Variants in SSBP2 observed in about 807,000 individuals in gnomAD.
SSBP2 encodes the protein single stranded DNA binding protein 2, also known as single-stranded DNA-binding protein 2.
SSBP2 carries 17 observed loss-of-function variants against 61.8 expected under a neutral mutation model. The ratio of observed to expected loss-of-function variants is 0.28; its 90% CI spans 0.19 to 0.41. SSBP2 has a LOEUF of 0.41. SSBP2 is among the 10% of genes least tolerant of loss of function. The pLI is 1.00. For synonymous variants in SSBP2, 139 were observed against 141.3 expected, an observed-to-expected ratio of 0.98 and a Z score of 0.12; for missense variants, 310 against 458.7, an observed-to-expected ratio of 0.68 and a Z score of 2.96.
intron 11 of SSBP2, among the ~76,000 whole-genome samples, chr5:81,447,583 T>C (rs6452409): frequency 6.6e-6 from 1 of 152,020 alleles, no homozygotes; most frequent in Non-Finnish European, 1.5e-5. Flanking sequence ...CTTTTTCAGA[T>C]GCTCTATGTA....
chr5:81,421,632 G>C (rs891458960), intron 16 of SSBP2, among the ~76,000 whole-genome samples: 1 of 152,160 alleles, frequency 6.6e-6, no homozygotes, highest in Non-Finnish European at 1.5e-5. Context: ...TTTCAAAAAT[G>C]ATTTAGAGAG....
chr5:81,734,057 G>A (rs1756438095), intron 1 of SSBP2, among the ~76,000 whole-genome samples: 1 of 152,114 alleles, frequency 6.6e-6, no homozygotes, highest in Admixed American at 6.5e-5. Flanking sequence ...TGGACAAAAG[G>A]ATGACATTTT....
chr5:81,516,630 G>A (rs1769038701), intron 4 of SSBP2, among the ~76,000 whole-genome samples: 1 of 151,822 alleles, frequency 6.6e-6, no homozygotes. Flanking sequence ...GGTACCATTT[G>A]GTACCCTATG....
At chr5:81,544,958 T>A (rs73766261) in intron 4 of SSBP2, among the ~76,000 whole-genome samples, 2,767 of 152,230 alleles carry the variant, frequency 0.018, 86 homozygotes, top group African/African-American at 0.063. Context: ...GGACTGAATA[T>A]AGAGGAGGAT....
At chr5:81,645,859 A>G (rs112934170) in intron 2 of SSBP2, among the ~76,000 whole-genome samples, 3 of 152,332 alleles carry the variant, frequency 2.0e-5, no homozygotes, top group Non-Finnish European at 2.9e-5. Context: ...TTTAAAATCT[A>G]TCATGAATCA....
chr5:81,434,633 C>CAAAAAAAAAAAAAAAAAAAAAAAA (rs34269591), intron 15 of SSBP2, among the ~76,000 whole-genome samples: 1 of 43,022 alleles, frequency 2.3e-5, no homozygotes, highest in Non-Finnish European at 4.1e-5. Context: ...ACTCTTGACT[C>CAAAAAAAAAAAAAAAAAAAAAAAA]AAAAAAAAAA....
chr5:81,561,336 A>G (rs1019327512), intron 4 of SSBP2, among the ~76,000 whole-genome samples: 3 of 152,202 alleles, frequency 2.0e-5, no homozygotes. Context: ...TGTGGCTATT[A>G]AGTATCTTTA....
chr5:81,522,348 A>G (rs1769556374), intron 4 of SSBP2, among the ~76,000 whole-genome samples: 2 of 152,048 alleles, frequency 1.3e-5, no homozygotes, highest in African/African-American at 4.8e-5. Flanking sequence ...AAAAGACTGT[A>G]GGTGAATAAA....
intron 1 of SSBP2, among the ~76,000 whole-genome samples, chr5:81,718,190 G>C (rs969494636): frequency 1.3e-5 from 2 of 151,998 alleles, no homozygotes; most frequent in Non-Finnish European, 2.9e-5. Flanking sequence ...ATTATGCGCA[G>C]GGAAATGTAT....
At chr5:81,658,996 G>A (rs1414809568) in intron 1 of SSBP2, among the ~76,000 whole-genome samples, 1 of 152,088 alleles carries the variant, frequency 6.6e-6, no homozygotes, top group Non-Finnish European at 1.5e-5. Flanking sequence ...CAATAAACTA[G>A]GTATTGATGG....
intron 2 of SSBP2, among the ~76,000 whole-genome samples, chr5:81,639,880 A>C (rs766744486): frequency 6.6e-6 from 1 of 152,202 alleles, no homozygotes; most frequent in Non-Finnish European, 1.5e-5. Flanking sequence ...AGTGGTCCTA[A>C]ATGTAGAAAC....
At chr5:81,721,704 T>G (rs1374729525) in intron 1 of SSBP2, among the ~76,000 whole-genome samples, 11 of 152,088 alleles carry the variant, frequency 7.2e-5, no homozygotes, top group Admixed American at 7.2e-4. Context: ...AAACCTGAAC[T>G]AAATTCTCTA....
intron 4 of SSBP2, among the ~76,000 whole-genome samples, chr5:81,534,205 T>C (rs1029628292): frequency 1.3e-4 from 20 of 152,094 alleles, no homozygotes; most frequent in African/African-American, 4.3e-4. Flanking sequence ...GTCCTAATCA[T>C]AGGACTATGA....
Position 81,658,953 on chromosome 5 carries a change from C to T in SSBP2, c.63-8614G>A, listed in dbSNP as rs532594884. On this transcript the variant is annotated intron_variant, in intron 1 of 16. Coordinates refer to ENST00000320672, the MANE Select transcript of SSBP2 (RefSeq NM_012446.5). ...TCTCAACAGATGCAGAAAAGGACTT[C>T]GATAAAATTCAACATCTCATGTTAA... Among the ~76,000 whole-genome samples, 13 of 152,114 alleles carry T rather than the reference C, an allele frequency of 8.5e-5. No homozygotes were observed. The Middle Eastern group carries it at 0.02, about 239-fold the overall frequency.
At chr5:81,467,092 A>G in intron 8 of SSBP2, 27 bp from the exon 9 acceptor site, 1 of 1,492,524 alleles carries the variant, frequency 6.7e-7, no homozygotes, top group Non-Finnish European at 9.3e-7. Flanking sequence ...AAACAAAACC[A>G]AAGAGGAGGG....
intron 1 of SSBP2, among the ~76,000 whole-genome samples, chr5:81,667,968 TATCA>T (rs1751288644): frequency 1.3e-5 from 2 of 152,274 alleles, no homozygotes; most frequent in South Asian, 4.1e-4. Flanking sequence ...CAGTTACTTT[TATCA>T]ATCAAAGGAT....
At chr5:81,636,861 C>G (rs1385618896) in intron 2 of SSBP2, among the ~76,000 whole-genome samples, 1 of 152,170 alleles carries the variant, frequency 6.6e-6, no homozygotes, top group African/African-American at 2.4e-5. Context: ...TTATAAAGCT[C>G]TAGTCTTTCA....
chr5:81,717,170 C>T (rs1357062290), intron 1 of SSBP2, among the ~76,000 whole-genome samples: 4 of 152,064 alleles, frequency 2.6e-5, no homozygotes, highest in African/African-American at 9.7e-5. Context: ...CACTTGTTAC[C>T]AGGGCCGTTT....
At chr5:81,613,153 T>TA (rs1745622793) in intron 4 of SSBP2, among the ~76,000 whole-genome samples, 1 of 152,098 alleles carries the variant, frequency 6.6e-6, no homozygotes, top group African/African-American at 2.4e-5. Flanking sequence ...TAAGATGTAA[T>TA]AAAAATGGCA....
Sources: gnomAD v4.1 joint callset for allele counts (sites outside exome capture counted in the v4.1 genomes callset) on GRCh38, gnomAD v4.1.1 for gene constraint, MANE v1.5 for transcripts, NCBI Gene and HGNC (gene_info 2026-07-23, HGNC 2026-07-21) for gene names.